The following CRY1 variants were observed in gnomAD, a reference collection of about 807,000 sequenced individuals.
CRY1 encodes the protein cryptochrome circadian regulator 1.
A neutral mutation model predicts 76.0 loss-of-function variants in CRY1; 45 were observed. The ratio of observed to expected loss-of-function variants is 0.59; its 90% CI spans 0.47 to 0.76. The LOEUF (loss-of-function observed/expected upper bound fraction) is 0.76. CRY1 is among the 30% of genes least tolerant of loss of function. CRY1 has a pLI of 0.00. For synonymous variants in CRY1, 248 were observed against 244.0 expected, an observed-to-expected ratio of 1.02 and a Z score of -0.15; for missense variants, 587 against 716.4, an observed-to-expected ratio of 0.82 and a Z score of 2.06.
chr12:106,997,680 G>T lies in CRY1; in HGVS notation c.1300C>A (p.Pro434Thr). The change falls in exon 9 of 13, where the codon CCT (proline) becomes ACT (threonine). Residue 434 changes from proline (P) to threonine (T), a missense_variant. Physicochemically the swap from Pro to Thr is conservative, Grantham distance 38. Coordinates refer to ENST00000008527, the MANE Select transcript of CRY1 (RefSeq NM_004075.5). ...TTTGCAGGGAAGCCTCTTAGGACAG[G>T]CAAATAACGCCTTTGGGAGAAAAAA... The part of the protein sequence containing the change: ...PNGDYIRRYL[P>T]VLRGFPAKYI... The T allele has an allele frequency of 6.2e-7, 1 of 1,613,870 alleles. No individual in the cohort carries two copies.
chr12:107,008,015 G>C (rs1952395487), intron 2 of CRY1, among the ~76,000 whole-genome samples: 1 of 152,038 alleles, frequency 6.6e-6, no homozygotes, highest in Admixed American at 6.6e-5. Context: ...CAGGTTTCAG[G>C]GCAGGTAAAC....
intron 5 of CRY1, among the ~76,000 whole-genome samples, chr12:107,000,994 A>C (rs1001630189): frequency 6.6e-6 from 1 of 152,114 alleles, no homozygotes; most frequent in African/African-American, 2.4e-5. Flanking sequence ...ATATAATTCT[A>C]TTCTAGTTTC....
At chr12:107,018,587 A>AAAAAAT (rs1952521787) in intron 2 of CRY1, among the ~76,000 whole-genome samples, 1 of 152,136 alleles carries the variant, frequency 6.6e-6, no homozygotes, top group African/African-American at 2.4e-5. Context: ...ACTCTCTCTC[A>AAAAAAT]AAAAATAAAA....
At chr12:107,077,262 G>C (rs1953268011) in intron 1 of CRY1, among the ~76,000 whole-genome samples, 1 of 152,116 alleles carries the variant, frequency 6.6e-6, no homozygotes. Context: ...AATTGTATTT[G>C]CAGATTTCCA....
rs375648547 is a variant in CRY1, at chr12:107,092,970, G to C, written c.-9C>G. The C allele has an allele frequency of 4.9e-5, 75 of 1,529,916 alleles. No individual in the cohort carries two copies. The highest frequency in any genetic ancestry group is 8.6e-5 in the Admixed American group (4 of 46,460). 94.8% of individuals were successfully genotyped at this position (1,529,916 alleles called of 1,614,324 possible). A position where few individuals can be genotyped will look rare whatever the true frequency, so the allele number is the denominator to read the frequency against. ...ACGGCGTTCACCCCCATGCCGGGGG[G>C]CGCGGCGGGTCCTCCACGGAGAAAT... On this transcript the variant is annotated 5_prime_UTR_variant, in exon 1 of 13. Transcript: ENST00000008527.
At position 107,048,760 on chromosome 12, in the gene CRY1, C is replaced by T. The variant is rs188702221; in HGVS notation, c.159-26568G>A. 8.5e-5 allele frequency among the ~76,000 whole-genome samples: 13 copies of T among 152,282 alleles called. No homozygotes were observed. The East Asian group carries it at 2.5e-3, about 29-fold the overall frequency. Reference sequence around the variant, plus strand: ...TCGTATTTTTCATTTCTAATATTTTCATTTGAGTATTTAAAGCTCTCTGTC... The same window carrying T: ...TCGTATTTTTCATTTCTAATATTTTTATTTGAGTATTTAAAGCTCTCTGTC... On this transcript the variant is annotated intron_variant, in intron 1 of 12. Coordinates refer to ENST00000008527, the MANE Select transcript of CRY1 (RefSeq NM_004075.5).
At chr12:107,010,530 T>A (rs929137944) in intron 2 of CRY1, among the ~76,000 whole-genome samples, 2 of 152,228 alleles carry the variant, frequency 1.3e-5, no homozygotes, top group African/African-American at 2.4e-5. Context: ...GCTCACCTCG[T>A]GTCTCTGTGT....
At chr12:107,089,870 T>C (rs1340097095) in intron 1 of CRY1, among the ~76,000 whole-genome samples, 3 of 152,180 alleles carry the variant, frequency 2.0e-5, no homozygotes, top group Non-Finnish European at 4.4e-5. Context: ...CAAACAATAA[T>C]TGAGCTACTA....
chr12:107,011,084 C>A (rs1484595523), intron 2 of CRY1, among the ~76,000 whole-genome samples: 1 of 152,144 alleles, frequency 6.6e-6, no homozygotes, highest in East Asian at 1.9e-4. Context: ...CAGTGGCTCA[C>A]GCATGTAATC....
Position 107,093,373 on chromosome 12 carries a change from A to C in CRY1, c.-412T>G. Reference sequence around the variant, plus strand: ...CGCCCCACCAAGGCGGCCCCTAAAGACAAAACGGCCCGCCCGAGGTGAGTC... The same window carrying C: ...CGCCCCACCAAGGCGGCCCCTAAAGCCAAAACGGCCCGCCCGAGGTGAGTC... On this transcript the variant is annotated 5_prime_UTR_variant, in exon 1 of 13. Transcript: ENST00000008527. 1 of 168,364 alleles carries C rather than the reference A, an allele frequency of 5.9e-6. No individual in the cohort carries two copies. The allele number at this position is 168,364 out of a possible 1,614,324, so 10.4% of individuals were successfully genotyped here.
chr12:107,022,463 AACAT>A (rs757779089), intron 1 of CRY1, among the ~76,000 whole-genome samples: 8 of 152,098 alleles, frequency 5.3e-5, no homozygotes, highest in Admixed American at 5.2e-4. Flanking sequence ...TGAACATAAA[AACAT>A]ACAAAGAAGT....
intron 1 of CRY1, among the ~76,000 whole-genome samples, chr12:107,023,900 G>A (rs1395897925): frequency 6.6e-6 from 1 of 152,152 alleles, no homozygotes; most frequent in Non-Finnish European, 1.5e-5. Flanking sequence ...AAGCATTGGA[G>A]TTTAATAAAA....
chr12:106,993,009 T>C lies in CRY1; in HGVS notation c.1613A>G (p.His538Arg). Residue 538 changes from histidine (H) to arginine (R), a missense_variant, in exon 11 of 13, where the codon CAC becomes CGC. Transcript: ENST00000008527. ...GSCSQGSGIL[H>R]YAHGDSQQTH... ...TTGCTGACTGTCGCCATGAGCATAG[T>C]GTAAAATACCACTCCCTTGAGAGCA... 6.2e-7 allele frequency: 1 copy of C among 1,614,078 alleles called. No homozygotes were observed. Among genetic ancestry groups the C allele is most frequent in the South Asian group, 1.1e-5 (1 of 91,088 alleles).
At chr12:107,090,587 T>C (rs1047747771) in intron 1 of CRY1, among the ~76,000 whole-genome samples, 2 of 152,204 alleles carry the variant, frequency 1.3e-5, no homozygotes, top group Admixed American at 6.5e-5. Context: ...ACGGCTCCAC[T>C]AGAATGTAGC....
intron 1 of CRY1, among the ~76,000 whole-genome samples, chr12:107,041,727 T>C (rs1419444580): frequency 1.3e-5 from 2 of 151,548 alleles, no homozygotes; most frequent in Middle Eastern, 3.2e-3. Flanking sequence ...TTTTCTGATA[T>C]TCCTATTTTT....
At chr12:107,092,258 G>C (rs1953480188) in intron 1 of CRY1, among the ~76,000 whole-genome samples, 1 of 152,072 alleles carries the variant, frequency 6.6e-6, no homozygotes, top group South Asian at 2.1e-4. Context: ...GCTTTGTCTC[G>C]GCAACCACAA....
chr12:107,081,162 G>A (rs1007415034), intron 1 of CRY1, among the ~76,000 whole-genome samples: 9 of 152,056 alleles, frequency 5.9e-5, no homozygotes, highest in African/African-American at 9.7e-5. Context: ...TTTGGTTACT[G>A]AAAATTAAGA....
intron 1 of CRY1, among the ~76,000 whole-genome samples, chr12:107,028,998 A>G (rs1019502711): frequency 2.0e-5 from 3 of 152,248 alleles, no homozygotes; most frequent in Non-Finnish European, 4.4e-5. Context: ...ACAATTATGA[A>G]TAAGTTTTTC....
At chr12:106,994,093 G>A (rs1000814570) in intron 10 of CRY1, among the ~76,000 whole-genome samples, 2 of 151,860 alleles carry the variant, frequency 1.3e-5, no homozygotes, top group Non-Finnish European at 2.9e-5. Flanking sequence ...ACAAGTAAAA[G>A]AATTTTGCCC....
Sources: gnomAD v4.1 joint callset for allele counts (sites outside exome capture counted in the v4.1 genomes callset) on GRCh38, gnomAD v4.1.1 for gene constraint, MANE v1.5 for transcripts, NCBI Gene and HGNC (gene_info 2026-07-23, HGNC 2026-07-21) for gene names.